Variants in BAALC observed in about 807,000 individuals in gnomAD.
The protein encoded by BAALC is BAALC binder of MAP3K1 and KLF4.
A neutral mutation model predicts 15.5 loss-of-function variants in BAALC; 9 were observed. That is an observed-to-expected ratio of 0.58 (90% CI 0.35 to 1.02). BAALC has a LOEUF of 1.02. Among genes scored for constraint, BAALC ranks in the 50% least tolerant of loss-of-function variants. The pLI is 0.02. For synonymous variants in BAALC, 80 were observed against 74.6 expected (o/e 1.07, Z -0.37); for missense variants, 201 against 192.4 (o/e 1.04, Z -0.27).
In BAALC at chr8:103,218,350, G is replaced by T. The variant is rs563143658; in HGVS notation, c.327+5265G>T. On this transcript the variant is annotated intron_variant, in intron 2 of 2. Transcript: ENST00000309982. ...TGCACCTTGATTTCCCCAGTCATTT[G>T]GGGCCTTACTGACTCCAGAGTGTCT... Among the ~76,000 whole-genome samples, 5 of 149,700 alleles carry T rather than the reference G, an allele frequency of 3.3e-5. No homozygotes were observed. In the East Asian group the frequency reaches 9.8e-4, roughly 29 times the overall value.
At chr8:103,221,787 G>A (rs1039204016) in intron 2 of BAALC, among the ~76,000 whole-genome samples, 5 of 152,144 alleles carry the variant, frequency 3.3e-5, no homozygotes, top group Admixed American at 3.3e-4. Flanking sequence ...GATGTAACTA[G>A]ATTGTGTTGA....
At position 103,212,972 on chromosome 8, in the gene BAALC, G is replaced by C. The variant is rs765013110; in HGVS notation, c.214G>C (p.Gly72Arg). ...TGGTGTGCCCCGATCTACAGCCCCA[G>C]GTGGAATACCCAACCCAGAGAAGAA... ...SNGVPRSTAP[G>R]GIPNPEKKTN... The change falls in exon 2 of 3, where the codon GGT (glycine) becomes CGT (arginine). Residue 72 changes from glycine (G) to arginine (R), a missense_variant. Coordinates refer to ENST00000309982, the MANE Select transcript of BAALC (RefSeq NM_024812.3). The C allele has an allele frequency of 1.9e-6, 3 of 1,614,130 alleles. No homozygotes were observed. Among genetic ancestry groups the C allele is most frequent in the Non-Finnish European group, 1.7e-6 (2 of 1,179,990 alleles).
At chr8:103,149,981 G>A (rs373153763) in intron 1 of BAALC, among the ~76,000 whole-genome samples, 2 of 152,054 alleles carry the variant, frequency 1.3e-5, no homozygotes, top group African/African-American at 2.4e-5. Flanking sequence ...TCATGCTGCC[G>A]ACGAAGACAC....
intron 1 of BAALC, chr8:103,190,883 T>C (rs1811951343): frequency 6.6e-6 from 1 of 152,040 alleles, no homozygotes; most frequent in Middle Eastern, 3.2e-3. Context: ...GAGAGTTGGG[T>C]ATCAGATGTG....
chr8:103,155,330 T>C (rs1448798643), intron 1 of BAALC, among the ~76,000 whole-genome samples: 1 of 151,912 alleles, frequency 6.6e-6, no homozygotes, highest in Non-Finnish European at 1.5e-5. Flanking sequence ...AATGTAATAA[T>C]AATTCAGTCA....
At position 103,212,933 on chromosome 8, in the gene BAALC, G is replaced by A; in HGVS notation, c.175G>A (p.Gly59Arg). Residue 59 changes from glycine to arginine, a missense_variant, in exon 2 of 3, where the codon GGA (glycine) becomes AGA (arginine). Transcript: ENST00000309982. The part of the protein sequence containing the change: ...GGLHSGMLED[G>R]LPSNGVPRST... ...ACCTCCCCCAGGCATGCTGGAAGAT[G>A]GACTGCCCTCCAATGGTGTGCCCCG... 2.5e-6 allele frequency: 4 copies of A among 1,613,168 alleles called. No individual in the cohort carries two copies. The highest frequency in any genetic ancestry group is 3.4e-6 in the Non-Finnish European group (4 of 1,179,396).
At chr8:103,186,904 A>C (rs1345959913) in intron 1 of BAALC, among the ~76,000 whole-genome samples, 1 of 152,198 alleles carries the variant, frequency 6.6e-6, no homozygotes, top group Non-Finnish European at 1.5e-5. Context: ...TTGGATATAA[A>C]TGAGCTGACA....
At chr8:103,200,516 CACT>C in intron 1 of BAALC, 1 of 438,920 alleles carries the variant, frequency 2.3e-6, no homozygotes, top group East Asian at 3.1e-5. Flanking sequence ...AAACAGCTGC[CACT>C]TCTTTAAAAG....
intron 1 of BAALC, among the ~76,000 whole-genome samples, chr8:103,175,386 A>C (rs902743157): frequency 4.6e-5 from 7 of 152,178 alleles, no homozygotes; most frequent in African/African-American, 1.7e-4. Context: ...TTATTTACTT[A>C]TGTTGTAATT....
chr8:103,186,277 C>T (rs962792950), intron 1 of BAALC, among the ~76,000 whole-genome samples: 2 of 152,154 alleles, frequency 1.3e-5, no homozygotes, highest in African/African-American at 4.8e-5. Context: ...TTTATGCTGC[C>T]TTCACAATCA....
chr8:103,190,788 C>T (rs1267384204), intron 1 of BAALC, among the ~76,000 whole-genome samples: 1 of 152,140 alleles, frequency 6.6e-6, no homozygotes, highest in Non-Finnish European at 1.5e-5. Context: ...GCAGTTTATG[C>T]CTCTGTGAGT....
intron 2 of BAALC, among the ~76,000 whole-genome samples, chr8:103,224,707 A>G (rs1462214446): frequency 1.3e-5 from 2 of 152,164 alleles, no homozygotes; most frequent in Non-Finnish European, 2.9e-5. Context: ...GGAAGGGGAA[A>G]GGGGATTCTC....
At chr8:103,216,264 T>G (rs186055868) in intron 2 of BAALC, among the ~76,000 whole-genome samples, 47 of 152,342 alleles carry the variant, frequency 3.1e-4, no homozygotes, top group African/African-American at 9.4e-4. Context: ...GCACTTCTTT[T>G]GGGAATATAC....
chr8:103,162,244 G>T (rs182090433), intron 1 of BAALC, among the ~76,000 whole-genome samples: 2 of 152,306 alleles, frequency 1.3e-5, no homozygotes, highest in African/African-American at 4.8e-5. Flanking sequence ...TTACAGGAAT[G>T]AGCCACCATG....
At position 103,162,926 on chromosome 8, in the gene BAALC, A is replaced by G. The variant is rs567532378; in HGVS notation, c.160+21869A>G. Among the ~76,000 whole-genome samples, 15 of 152,286 alleles carry G rather than the reference A, an allele frequency of 9.8e-5. No homozygotes were observed. In the East Asian group the frequency reaches 2.7e-3, roughly 27 times the overall value. ...ATTTGCATCAGTCCCTGTTCCCCCA[A>G]GTCTCACTGGGGAGAAGCAAATGGG... On this transcript the variant is annotated intron_variant, in intron 1 of 2. Transcript: ENST00000309982.
At chr8:103,199,618 T>C (rs1159148183) in intron 1 of BAALC, among the ~76,000 whole-genome samples, 5 of 152,170 alleles carry the variant, frequency 3.3e-5, no homozygotes, top group African/African-American at 1.2e-4. Flanking sequence ...AAAATATATT[T>C]CTTACATCTA....
At chr8:103,204,278 C>CT (rs1312345477) in intron 1 of BAALC, among the ~76,000 whole-genome samples, 1 of 152,170 alleles carries the variant, frequency 6.6e-6, no homozygotes, top group Non-Finnish European at 1.5e-5. Flanking sequence ...GATTATTTAT[C>CT]TTTTTTATTA....
intron 2 of BAALC, among the ~76,000 whole-genome samples, chr8:103,217,560 C>T (rs1266724662): frequency 1.4e-4 from 22 of 152,174 alleles, no homozygotes; most frequent in Admixed American, 1.4e-3. Flanking sequence ...TCCAGTCTTC[C>T]ATTGCACCCC....
chr8:103,202,815 C>T (rs72673331), intron 1 of BAALC: 10,544 of 152,302 alleles, frequency 0.069, 407 homozygotes, highest in Middle Eastern at 0.19. Context: ...GAAGAATCTG[C>T]TCTGTGGTGC....
Sources: gnomAD v4.1 joint callset for allele counts (sites outside exome capture counted in the v4.1 genomes callset) on GRCh38, gnomAD v4.1.1 for gene constraint, MANE v1.5 for transcripts, NCBI Gene and HGNC (gene_info 2026-07-23, HGNC 2026-07-21) for gene names.